PXDN: variants seen among roughly 807,000 people sequenced by gnomAD.
PXDN encodes peroxidasin.
PXDN carries 77 observed loss-of-function variants against 140.3 expected under a neutral mutation model. The observed-to-expected ratio is 0.55, with a 90% CI of 0.46 to 0.66. The LOEUF is 0.66. PXDN is among the 30% of genes least tolerant of loss of function. PXDN has a pLI of 0.00. For synonymous variants in PXDN, 911 were observed against 857.4 expected, an observed-to-expected ratio of 1.06 and a Z score of -1.09; for missense variants, 1,838 against 2,039.5, an observed-to-expected ratio of 0.90 and a Z score of 1.90.
At chr2:1,700,543 C>T (rs544491674) in intron 1 of PXDN, among the ~76,000 whole-genome samples, 11 of 152,234 alleles carry the variant, frequency 7.2e-5, no homozygotes, top group African/African-American at 2.2e-4. Context: ...AAGTAAATCA[C>T]GGCGATGATG....
intron 19 of PXDN, among the ~76,000 whole-genome samples, chr2:1,641,665 A>G (rs1281376697): frequency 1.3e-5 from 2 of 152,200 alleles, no homozygotes; most frequent in African/African-American, 4.8e-5. Flanking sequence ...GGAAGAAACA[A>G]TGTCAGCAAT....
At chr2:1,686,098 G>A (rs1431955699) in intron 4 of PXDN, among the ~76,000 whole-genome samples, 1 of 152,200 alleles carries the variant, frequency 6.6e-6, no homozygotes, top group Non-Finnish European at 1.5e-5. Context: ...ATCCGGGGAA[G>A]GGGTGCAGTT....
In PXDN at chr2:1,648,446, C is replaced by T; in HGVS notation, c.3334G>A (p.Gly1112Ser). The T allele has an allele frequency of 6.2e-7, 1 of 1,610,672 alleles. No individual in the cohort carries two copies. The highest frequency in any genetic ancestry group is 8.5e-7 in the Non-Finnish European group (1 of 1,179,834). Residue 1112 changes from glycine (G) to serine (S), a missense_variant, in exon 17 of 23, where the codon GGC (glycine) becomes AGC (serine). Gly to Ser is a moderately conservative substitution (Grantham distance 56). Around this residue, in one of 5 missense-constraint regions of PXDN, gnomAD observed 850 missense variants for 894.1 expected, o/e 0.95. Transcript: ENST00000252804. The surrounding 1 kb of genome is among the most constrained non-coding windows in gnomAD (Gnocchi z 8.9). Reference sequence around the variant, plus strand: ...CCCCTGAGAAGCGGATCGATGCCGCCCTCATTCACAATCCGGAAGGGAGAG... The same window carrying T: ...CCCCTGAGAAGCGGATCGATGCCGCTCTCATTCACAATCCGGAAGGGAGAG... ...FFSPFRIVNE[G>S]GIDPLLRGLF...
chr2:1,670,093 C>G (rs1389294501), intron 9 of PXDN, among the ~76,000 whole-genome samples: 1 of 152,112 alleles, frequency 6.6e-6, no homozygotes, highest in Non-Finnish European at 1.5e-5. Flanking sequence ...ACAGTCTAAA[C>G]TGGTATGTGG....
chr2:1,673,385 G>C (rs1234243783), intron 9 of PXDN, among the ~76,000 whole-genome samples: 1 of 152,088 alleles, frequency 6.6e-6, no homozygotes, highest in Non-Finnish European at 1.5e-5. Flanking sequence ...CAATGGGCTG[G>C]GCTCACAGCA....
At chr2:1,655,536 C>T (rs1158840129) in intron 14 of PXDN, among the ~76,000 whole-genome samples, 1 of 151,896 alleles carries the variant, frequency 6.6e-6, no homozygotes, top group Non-Finnish European at 1.5e-5. Context: ...ACACCACACA[C>T]ACACATCTGC....
At chr2:1,676,747 C>T (rs1028331554) in intron 8 of PXDN, among the ~76,000 whole-genome samples, 180 bp downstream of exon 8, 20 of 152,302 alleles carry the variant, frequency 1.3e-4, no homozygotes, top group Admixed American at 2.6e-4. Context: ...GCAGAAACGT[C>T]GTCACACCCC....
intron 12 of PXDN, among the ~76,000 whole-genome samples, chr2:1,662,991 C>T (rs755883755): frequency 1.3e-5 from 2 of 152,200 alleles, no homozygotes; most frequent in Admixed American, 6.5e-5. Flanking sequence ...TAGCACAGGG[C>T]GCCTGCAACA....
At chr2:1,697,943 T>A (rs1684336636) in intron 1 of PXDN, among the ~76,000 whole-genome samples, 1 of 152,172 alleles carries the variant, frequency 6.6e-6, no homozygotes, top group Admixed American at 6.5e-5. Flanking sequence ...GGGAAACCTA[T>A]AAGTGGCGTG....
chr2:1,663,797 C>A, intron 11 of PXDN, 34 bp from the exon 12 acceptor site: 1 of 1,600,974 alleles, frequency 6.2e-7, no homozygotes. Flanking sequence ...ACTGGACACT[C>A]GGACGCATGG....
rs761015559 is a variant in PXDN, at chr2:1,648,266, C to T, written c.3514G>A (p.Asp1172Asn). Reference protein sequence around the residue: ...GRDHGIPPYHDYRVYCNLSAA... With the variant: ...GRDHGIPPYHNYRVYCNLSAA... Reference sequence around the variant, plus strand: ...GATAGATTGCAGTAGACCCTGTAGTCGTGGTAGGGTGGGATCCCGTGGTCC... The same window carrying T: ...GATAGATTGCAGTAGACCCTGTAGTTGTGGTAGGGTGGGATCCCGTGGTCC... Residue 1172 changes from aspartate to asparagine, a missense_variant, in exon 17 of 23, where the codon GAC (aspartate) becomes AAC (asparagine). Coordinates refer to ENST00000252804, the MANE Select transcript of PXDN (RefSeq NM_012293.3). This position sits in a 1 kb window ranked among gnomAD's most constrained non-coding sequence, Gnocchi z 8.9. The T allele has an allele frequency of 4.3e-6, 7 of 1,613,928 alleles. No homozygotes were observed. In the East Asian group the frequency reaches 1.1e-4, roughly 26 times the overall value.
In PXDN at chr2:1,648,689, A is replaced by G; in HGVS notation, c.3091T>C (p.Tyr1031His). The G allele has an allele frequency of 6.2e-7, 1 of 1,607,836 alleles. No homozygotes were observed. The highest frequency in any genetic ancestry group is 8.5e-7 in the Non-Finnish European group (1 of 1,177,556). Residue 1031 changes from tyrosine (Y) to histidine (H), a missense_variant, in exon 17 of 23, where the codon TAC becomes CAC. By Grantham distance (83) the Tyr-to-His change is moderately conservative. Around this residue, in one of 5 missense-constraint regions of PXDN, gnomAD observed 850 missense variants for 894.1 expected, o/e 0.95. Transcript: ENST00000252804. The surrounding 1 kb of genome is among the most constrained non-coding windows in gnomAD (Gnocchi z 8.9). ...IVGAEIQHIT[Y>H]QHWLPKILGE... ...AGGATCTTCGGGAGCCAGTGCTGGT[A>G]GGTGATGTGCTGGATCTCCGCACCC...
chr2:1,658,763 C>T (rs1286289190), intron 14 of PXDN, among the ~76,000 whole-genome samples: 2 of 126,792 alleles, frequency 1.6e-5, no homozygotes, highest in Admixed American at 1.6e-4. Context: ...CACCCCCCGG[C>T]ATCGGGCTCA....
intron 10 of PXDN, 107 bp downstream of exon 10, chr2:1,666,107 A>G (rs1683428324): frequency 6.3e-6 from 9 of 1,427,914 alleles, no homozygotes; most frequent in Non-Finnish European, 8.6e-6. Flanking sequence ...AGTGAAGTGG[A>G]CAGGGCAGAA....
rs1269748493 is a variant in PXDN at position 1,662,200 on chromosome 2, A to G, written c.1568-16T>C. 1.3e-6 allele frequency: 2 copies of G among 1,564,564 alleles called. No individual in the cohort carries two copies. Among genetic ancestry groups the G allele is most frequent in the Non-Finnish European group, 1.7e-6 (2 of 1,151,476 alleles). On this transcript the variant is annotated splice_polypyrimidine_tract_variant and intron_variant, in intron 12 of 22. Transcript: ENST00000252804. ...ACTGGGGTGACTGGAAGGCAGATGTAGAGAATCCAGGAGAACGAGTCAATT... is the reference window on the plus strand; with the variant it reads ...ACTGGGGTGACTGGAAGGCAGATGTGGAGAATCCAGGAGAACGAGTCAATT...
chr2:1,707,296 ACGC>A, intron 1 of PXDN, among the ~76,000 whole-genome samples: 2 of 12,904 alleles, frequency 1.5e-4, no homozygotes, highest in Non-Finnish European at 3.4e-4. Flanking sequence ...ATCTGAGAGC[ACGC>A]TTCAGTGTTC....
In PXDN at chr2:1,659,327, CT is replaced by C. The variant is rs377712732; in HGVS notation, c.1837+1553del. On this transcript the variant is annotated intron_variant, in intron 14 of 22. Transcript: ENST00000252804. ...GAATTTCAGCTAGGCAGAAACCTTA[CT>C]TTTTGGTGTGTATCTCAGAGCCCAA... is the stretch of plus-strand genomic sequence containing the variant. 2.2e-3 allele frequency among the ~76,000 whole-genome samples: 336 copies of C among 152,304 alleles called. 5 individuals carry two copies. Among genetic ancestry groups the C allele is most frequent in the African/African-American group, 7.8e-3 (323 of 41,556 alleles).
chr2:1,634,027 G>T lies in PXDN; in HGVS notation c.*177C>A. 1.1e-6 allele frequency: 1 copy of T among 912,660 alleles called. No homozygotes were observed. Among genetic ancestry groups the T allele is most frequent in the Non-Finnish European group, 1.5e-6 (1 of 646,650 alleles). 56.5% of individuals were successfully genotyped at this position (912,660 alleles called of 1,614,324 possible). ...AGGCACCTGCTGTGCCTCCTTCTCC[G>T]CAGATGCTCTGGTTGGAAGCCTCCT... On this transcript the variant is annotated 3_prime_UTR_variant, in exon 23 of 23. Transcript: ENST00000252804.
In PXDN at chr2:1,634,328, A is replaced by G. The variant is rs1682491530; in HGVS notation, c.4321-5T>C. On this transcript the variant is annotated splice_region_variant and splice_polypyrimidine_tract_variant and intron_variant, in intron 22 of 22. Transcript: ENST00000252804. ...GAAGCAGGTGACCTGCCCGTCCTGGAGAAGAGAGACGGAGCACAGCCTGTC... is the reference window on the plus strand; with the variant it reads ...GAAGCAGGTGACCTGCCCGTCCTGGGGAAGAGAGACGGAGCACAGCCTGTC... 1 of 1,574,120 alleles carries G rather than the reference A, an allele frequency of 6.4e-7. No individual in the cohort carries two copies. Among genetic ancestry groups the G allele is most frequent in the Non-Finnish European group, 8.6e-7 (1 of 1,159,282 alleles).
Sources: allele counts gnomAD v4.1 joint callset (sites outside exome capture counted in the v4.1 genomes callset), GRCh38; gene constraint gnomAD v4.1.1; regional missense constraint gnomAD v4.1.1; non-coding constraint Gnocchi (gnomAD v3.1); transcripts MANE v1.5; gene names NCBI Gene and HGNC (gene_info 2026-07-23, HGNC 2026-07-21).